The following GUCY1A2 variants were observed in gnomAD, a reference collection of about 807,000 sequenced individuals.
The protein encoded by GUCY1A2 is guanylate cyclase soluble subunit alpha-2.
A neutral mutation model predicts 63.5 loss-of-function variants in GUCY1A2; 27 were observed. The observed-to-expected ratio is 0.43, with a 90% CI of 0.31 to 0.59. The LOEUF (loss-of-function observed/expected upper bound fraction) is 0.59, where lower values mean the gene tolerates loss of function less well. GUCY1A2 is among the 20% of genes least tolerant of loss of function. GUCY1A2 has a pLI of 0.11. For missense variants in GUCY1A2, 768 were observed against 913.3 expected (o/e 0.84, Z 2.05); for synonymous variants, 364 against 343.5 (o/e 1.06, Z -0.66).
Position 106,917,251 on chromosome 11 carries a change from G to A in GUCY1A2, c.1206+22209C>T, listed in dbSNP as rs564237423. Among the ~76,000 whole-genome samples, 16 of 145,140 alleles carry A rather than the reference G, an allele frequency of 1.1e-4. 1 individual carries two copies. The highest frequency in any genetic ancestry group is 3.2e-4 in the African/African-American group (13 of 40,896). ...AAGTTAGGGAAAGAGCATTTCAGACGAAACAAGCAGCATATTCAAAGGCCC... is the reference window on the plus strand; with the variant it reads ...AAGTTAGGGAAAGAGCATTTCAGACAAAACAAGCAGCATATTCAAAGGCCC... On this transcript the variant is annotated intron_variant, in intron 4 of 7. Coordinates refer to ENST00000526355, the MANE Select transcript of GUCY1A2 (RefSeq NM_000855.3).
At chr11:106,748,618 C>T (rs1004187419) in intron 6 of GUCY1A2, among the ~76,000 whole-genome samples, 6 of 152,330 alleles carry the variant, frequency 3.9e-5, no homozygotes, top group South Asian at 2.1e-4. Context: ...TTAAACCATG[C>T]TACTCTATTT....
intron 6 of GUCY1A2, among the ~76,000 whole-genome samples, chr11:106,750,903 T>C (rs561877740): frequency 6.6e-6 from 1 of 152,146 alleles, no homozygotes; most frequent in Admixed American, 6.6e-5. Context: ...GTCAATCAAA[T>C]TGACAGCTAT....
chr11:106,959,919 T>C (rs1271278166), intron 3 of GUCY1A2, among the ~76,000 whole-genome samples: 1 of 152,220 alleles, frequency 6.6e-6, no homozygotes, highest in African/African-American at 2.4e-5. Context: ...TAATGAAGTT[T>C]GCCTGGTGGG....
At chr11:106,932,500 G>A (rs1038441506) in intron 4 of GUCY1A2, among the ~76,000 whole-genome samples, 7 of 151,994 alleles carry the variant, frequency 4.6e-5, no homozygotes, top group Non-Finnish European at 1.0e-4. Context: ...GAGCCTTGTC[G>A]CTCATAGTTT....
rs1251540364 is a variant in GUCY1A2 at position 106,686,144 on chromosome 11, G to T, written c.*1405C>A. 2 of 216,314 alleles carry T rather than the reference G, an allele frequency of 9.2e-6. No individual in the cohort carries two copies. Among genetic ancestry groups the T allele is most frequent in the East Asian group, 6.9e-5 (1 of 14,566 alleles). 13.4% of individuals were successfully genotyped at this position (216,314 alleles called of 1,614,324 possible). On this transcript the variant is annotated 3_prime_UTR_variant, in exon 8 of 8. Coordinates refer to ENST00000526355, the MANE Select transcript of GUCY1A2 (RefSeq NM_000855.3). ...GCTTATTAACCTCAATAGAAACTTA[G>T]ATTTTATATCTGAACCCAAACAGGA...
intron 7 of GUCY1A2, among the ~76,000 whole-genome samples, chr11:106,699,883 G>A (rs1862787816): frequency 6.6e-6 from 1 of 151,598 alleles, no homozygotes; most frequent in South Asian, 2.1e-4. Context: ...CCAGGTTCAC[G>A]CCATTCTCCT....
intron 5 of GUCY1A2, among the ~76,000 whole-genome samples, chr11:106,803,343 T>C (rs992434518): frequency 2.0e-5 from 3 of 152,180 alleles, no homozygotes; most frequent in South Asian, 2.1e-4. Flanking sequence ...ACACAAATAA[T>C]GCATTTCGGA....
chr11:106,927,034 T>A (rs957388494), intron 4 of GUCY1A2, among the ~76,000 whole-genome samples: 8 of 149,948 alleles, frequency 5.3e-5, no homozygotes, highest in Non-Finnish European at 1.2e-4. Context: ...AAAAAAAAAA[T>A]TAACAGGGTA....
In GUCY1A2 at chr11:106,951,836, C is replaced by T. The variant is rs955402752; in HGVS notation, c.488-11658G>A. Among the ~76,000 whole-genome samples the T allele has an allele frequency of 2.0e-5, 3 of 152,092 alleles. No homozygotes were observed. In the East Asian group the frequency reaches 5.8e-4, roughly 29 times the overall value. On this transcript the variant is annotated intron_variant, in intron 3 of 7. Transcript: ENST00000526355. ...CATGCCAATGTCCTGAATGGTATTGCCTAGGTTTTCTTCCAGAGTTTTTAT... is the reference window on the plus strand; with the variant it reads ...CATGCCAATGTCCTGAATGGTATTGTCTAGGTTTTCTTCCAGAGTTTTTAT...
At chr11:106,788,233 A>T (rs1007336761) in intron 5 of GUCY1A2, among the ~76,000 whole-genome samples, 7 of 142,964 alleles carry the variant, frequency 4.9e-5, no homozygotes, top group African/African-American at 1.7e-4. Context: ...TCAGATTATT[A>T]GATTTTTTTT....
chr11:106,759,439 G>T (rs1263623030), intron 6 of GUCY1A2, among the ~76,000 whole-genome samples: 10 of 152,164 alleles, frequency 6.6e-5, no homozygotes, highest in Admixed American at 6.5e-5. Context: ...TTCTTTTCTA[G>T]ATAAGAAGGT....
Position 106,936,771 on chromosome 11 carries a change from A to C in GUCY1A2, c.1206+2689T>G, listed in dbSNP as rs1383308595. ...TTCATTGGTATTAAATGCACAAACA[A>C]AACAGTTAAATTATGAGAGCCCTCA... is the stretch of plus-strand genomic sequence containing the variant. On this transcript the variant is annotated intron_variant, in intron 4 of 7. Transcript: ENST00000526355. The C allele has an allele frequency of 1.2e-4, 107 of 890,926 alleles. No homozygotes were observed. In the Admixed American group the frequency reaches 2.3e-3, roughly 19 times the overall value. The allele number at this position is 890,926 out of a possible 1,614,324, so 55.2% of individuals were successfully genotyped here.
intron 3 of GUCY1A2, among the ~76,000 whole-genome samples, chr11:106,966,028 G>T (rs1261352678): frequency 1.3e-5 from 2 of 151,834 alleles, no homozygotes; most frequent in Non-Finnish European, 2.9e-5. Context: ...TTGCTTAAAT[G>T]GATTTAAGAA....
intron 1 of GUCY1A2, among the ~76,000 whole-genome samples, chr11:106,992,461 C>G (rs1187542201): frequency 6.6e-6 from 1 of 151,402 alleles, no homozygotes; most frequent in Non-Finnish European, 1.5e-5. Flanking sequence ...TCCCAAGTAG[C>G]TGGGACTACA....
At chr11:106,960,215 T>C (rs1435952201) in intron 3 of GUCY1A2, among the ~76,000 whole-genome samples, 1 of 75,056 alleles carries the variant, frequency 1.3e-5, no homozygotes, top group African/African-American at 5.5e-5. Flanking sequence ...TTATTTCATG[T>C]TTTTTCTTGT....
intron 7 of GUCY1A2, among the ~76,000 whole-genome samples, chr11:106,690,290 A>G (rs150994710): frequency 0.015 from 2,238 of 152,324 alleles, 45 homozygotes; most frequent in Non-Finnish European, 0.019. Context: ...TCAGTGGTAG[A>G]CTGGATAAAG....
chr11:106,688,138 T>C (rs1862560500), intron 7 of GUCY1A2, among the ~76,000 whole-genome samples: 1 of 152,202 alleles, frequency 6.6e-6, no homozygotes, highest in African/African-American at 2.4e-5. Context: ...CTTTTCCGTT[T>C]TTAAAACCTG....
intron 2 of GUCY1A2, among the ~76,000 whole-genome samples, chr11:106,982,715 G>C (rs1861353456): frequency 1.3e-5 from 2 of 151,984 alleles, no homozygotes; most frequent in African/African-American, 2.4e-5. Flanking sequence ...CATTGCATAA[G>C]AATGAAACGA....
At chr11:106,786,288 T>G (rs904336068) in intron 5 of GUCY1A2, among the ~76,000 whole-genome samples, 2 of 152,222 alleles carry the variant, frequency 1.3e-5, no homozygotes, top group African/African-American at 4.8e-5. Flanking sequence ...AATTTTTGTC[T>G]AATTACACTC....
Sources: allele counts gnomAD v4.1 joint callset (sites outside exome capture counted in the v4.1 genomes callset), GRCh38; gene constraint gnomAD v4.1.1; transcripts MANE v1.5; gene names NCBI Gene and HGNC (gene_info 2026-07-23, HGNC 2026-07-21).